FGF12: variants seen among roughly 807,000 people sequenced by gnomAD.
The protein encoded by FGF12 is fibroblast growth factor 12.
Under a neutral mutation model 23.6 loss-of-function variants are expected in FGF12, and 14 were observed. The observed-to-expected ratio is 0.59, with a 90% CI of 0.39 to 0.93. The LOEUF (loss-of-function observed/expected upper bound fraction) is 0.93, where lower values mean the gene tolerates loss of function less well. FGF12 is among the 40% of genes least tolerant of loss of function. The pLI, the probability that FGF12 is intolerant of heterozygous loss-of-function variation, is 0.00. For missense variants in FGF12, 175 were observed against 217.8 expected (o/e 0.80, Z 1.24); for synonymous variants, 62 against 77.3 (o/e 0.80, Z 1.04).
chr3:192,617,515 C>G (rs1714805402), intron 2 of FGF12, among the ~76,000 whole-genome samples: 2 of 152,124 alleles, frequency 1.3e-5, no homozygotes, highest in South Asian at 4.1e-4. Flanking sequence ...CCAGAAGCAC[C>G]TCTTTCAGTC....
intron 2 of FGF12, among the ~76,000 whole-genome samples, chr3:192,583,290 G>A (rs894745118): frequency 9.9e-5 from 15 of 152,188 alleles, no homozygotes; most frequent in East Asian, 3.9e-4. Flanking sequence ...AGGTACATAG[G>A]ATATCAGATG....
At chr3:192,604,102 T>C (rs144871376) in intron 2 of FGF12, among the ~76,000 whole-genome samples, 53 of 152,310 alleles carry the variant, frequency 3.5e-4, no homozygotes, top group East Asian at 1.5e-3. Flanking sequence ...CGTTCATTTA[T>C]AGTCTCTCTG....
At chr3:192,329,895 A>C (rs551959243) in intron 4 of FGF12, among the ~76,000 whole-genome samples, 1 of 152,306 alleles carries the variant, frequency 6.6e-6, no homozygotes, top group East Asian at 1.9e-4. Context: ...GTGTTTCAGA[A>C]ACATAAGTTT....
intron 4 of FGF12, among the ~76,000 whole-genome samples, chr3:192,314,015 C>CA: frequency 6.6e-6 from 1 of 152,280 alleles, no homozygotes; most frequent in East Asian, 1.9e-4. Context: ...TAAGAAGAGA[C>CA]AGGGAAGAGC....
intron 2 of FGF12, among the ~76,000 whole-genome samples, chr3:192,694,088 G>C (rs1333140190): frequency 6.6e-6 from 1 of 152,092 alleles, no homozygotes; most frequent in Non-Finnish European, 1.5e-5. Flanking sequence ...AAATAGGTGA[G>C]AGACCTGAAT....
intron 2 of FGF12, among the ~76,000 whole-genome samples, chr3:192,609,631 G>A (rs750609971): frequency 2.0e-5 from 3 of 152,012 alleles, no homozygotes; most frequent in African/African-American, 7.2e-5. Context: ...CACAGTTACC[G>A]TGTTAGGGGC....
chr3:192,408,987 G>C lies in FGF12; in HGVS notation c.14-48449C>G, dbSNP rs1721086950. On this transcript the variant is annotated intron_variant, in intron 2 of 5. Transcript: ENST00000445105. This position sits in a 1 kb window ranked among gnomAD's most constrained non-coding sequence, Gnocchi z 7.3. ...GGAGCGGTTACCCGGAGTCTGGGTAGGGGCGCGGGGCGGGGGCAGCTGTTT... is the reference window on the plus strand; with the variant it reads ...GGAGCGGTTACCCGGAGTCTGGGTACGGGCGCGGGGCGGGGGCAGCTGTTT... 1.0e-6 allele frequency: 1 copy of C among 984,688 alleles called. No homozygotes were observed. Among genetic ancestry groups the C allele is most frequent in the Non-Finnish European group, 1.2e-6 (1 of 829,554 alleles). 61.0% of individuals were successfully genotyped at this position (984,688 alleles called of 1,614,324 possible). A position where few individuals can be genotyped will look rare whatever the true frequency, so the allele number is the denominator to read the frequency against.
At chr3:192,543,448 C>T (rs1184322074) in intron 2 of FGF12, among the ~76,000 whole-genome samples, 2 of 152,116 alleles carry the variant, frequency 1.3e-5, no homozygotes, top group Non-Finnish European at 2.9e-5. Flanking sequence ...AAATGCCATT[C>T]AAGAACCAAG....
chr3:192,717,868 C>T (rs1419974036), intron 2 of FGF12, among the ~76,000 whole-genome samples: 1 of 151,952 alleles, frequency 6.6e-6, no homozygotes. Context: ...TTCTTTTATT[C>T]TTCGCATAAT....
intron 4 of FGF12, among the ~76,000 whole-genome samples, chr3:192,319,854 C>T (rs1209795563): frequency 6.6e-6 from 1 of 151,072 alleles, no homozygotes; most frequent in Non-Finnish European, 1.5e-5. Flanking sequence ...CAGATACACA[C>T]AAAAAAATAG....
intron 2 of FGF12, among the ~76,000 whole-genome samples, chr3:192,456,888 G>C (rs1722698249): frequency 6.6e-6 from 1 of 152,202 alleles, no homozygotes; most frequent in Non-Finnish European, 1.5e-5. Flanking sequence ...GCAGTGATAT[G>C]GTTTGGCTGT....
chr3:192,541,458 CTATTTA>C (rs1398384453), intron 2 of FGF12, among the ~76,000 whole-genome samples: 4 of 152,060 alleles, frequency 2.6e-5, no homozygotes, highest in East Asian at 3.9e-4. Context: ...TTTGCTATTT[CTATTTA>C]TATCTTATTA....
chr3:192,435,250 T>C (rs1312793745), intron 2 of FGF12, among the ~76,000 whole-genome samples: 3 of 152,232 alleles, frequency 2.0e-5, no homozygotes, highest in East Asian at 1.9e-4. Context: ...CTTTTTCATT[T>C]AGTGCAACAC....
intron 5 of FGF12, among the ~76,000 whole-genome samples, chr3:192,158,413 T>TTCTTTC (rs1560171650): frequency 1.3e-3 from 9 of 7,020 alleles, no homozygotes; most frequent in African/African-American, 2.9e-3. Flanking sequence ...TTTTCTTTCT[T>TTCTTTC]TCTCTTTCTT....
chr3:192,385,402 T>G (rs1719996289), intron 2 of FGF12, among the ~76,000 whole-genome samples: 1 of 152,168 alleles, frequency 6.6e-6, no homozygotes. Context: ...GACTCCCATA[T>G]CATATGTTTA....
intron 2 of FGF12, among the ~76,000 whole-genome samples, chr3:192,720,115 G>T (rs2108746258): frequency 6.6e-6 from 1 of 152,348 alleles, no homozygotes; most frequent in East Asian, 1.9e-4. Context: ...CTGCAGTCTA[G>T]TCCCTTTGGG....
chr3:192,461,087 A>G (rs886634619), intron 2 of FGF12, among the ~76,000 whole-genome samples: 4 of 152,244 alleles, frequency 2.6e-5, no homozygotes, highest in Non-Finnish European at 4.4e-5. Flanking sequence ...TATATAACAT[A>G]CAGGACACAT....
chr3:192,507,713 G>A (rs1029545764), intron 2 of FGF12, among the ~76,000 whole-genome samples: 1 of 152,124 alleles, frequency 6.6e-6, no homozygotes, highest in Admixed American at 6.5e-5. Context: ...GGCTGAAAGG[G>A]CTATTACTGC....
Position 192,170,482 on chromosome 3 carries a change from G to A in FGF12, c.403C>T (p.His135Tyr), listed in dbSNP as rs1318037698. Reference protein sequence around the residue: ...NRVKKTKPSSHFVPKPIEVCM... With the variant: ...NRVKKTKPSSYFVPKPIEVCM... ...CCTTCAATAGGTTTCGGTACAAAAT[G>A]TGATGAGGGCTTGGTTTTCTTCACT... The change falls in exon 5 of 6, where the codon CAT becomes TAT. Residue 135 changes from histidine to tyrosine, a missense_variant. By Grantham distance (83) the His-to-Tyr change is moderately conservative. Transcript: ENST00000445105. 1.9e-6 allele frequency: 3 copies of A among 1,613,844 alleles called. No homozygotes were observed. The highest frequency in any genetic ancestry group is 2.5e-6 in the Non-Finnish European group (3 of 1,179,984).
Sources: gnomAD v4.1 joint callset for allele counts (sites outside exome capture counted in the v4.1 genomes callset) on GRCh38, gnomAD v4.1.1 for gene constraint, Gnocchi (gnomAD v3.1) non-coding constraint, MANE v1.5 for transcripts, NCBI Gene and HGNC (gene_info 2026-07-23, HGNC 2026-07-21) for gene names.